The following ATP2A2 variants were observed in gnomAD, a reference collection of about 807,000 sequenced individuals.
ATP2A2 encodes sarcoplasmic/endoplasmic reticulum calcium ATPase 2.
Under a neutral mutation model 109.3 loss-of-function variants are expected in ATP2A2, and 14 were observed. That is an observed-to-expected ratio of 0.13 (90% CI 0.08 to 0.20). The LOEUF (loss-of-function observed/expected upper bound fraction) is 0.20. Ranked by LOEUF, ATP2A2 falls within the 10% of genes least tolerant of loss-of-function variation. The probability of loss-of-function intolerance (pLI) is 1.00; values close to 1 mark genes in which losing one functional copy is unlikely to be tolerated. For synonymous variants in ATP2A2, 506 were observed against 490.9 expected (o/e 1.03, Z -0.41); for missense variants, 657 against 1,321.6 (o/e 0.50, Z 7.80).
chr12:110,347,964 C>G lies in ATP2A2; in HGVS notation c.*1494C>G. On this transcript the variant is annotated 3_prime_UTR_variant, in exon 20 of 20. Transcript: ENST00000539276. ...TGGCGCCTGCCATGTGACTCGGGCG[C>G]AGCATCAGCTGGCTGGAGGTGTGGC... 10 of 988,844 alleles carry G rather than the reference C, an allele frequency of 1.0e-5. No individual in the cohort carries two copies. Among genetic ancestry groups the G allele is most frequent in the Non-Finnish European group, 1.2e-5 (10 of 832,146 alleles). 61.3% of individuals were successfully genotyped at this position (988,844 alleles called of 1,614,324 possible). A position where few individuals can be genotyped will look rare whatever the true frequency, so the allele number is the denominator to read the frequency against.
At chr12:110,332,364 A>G (rs914862658) in intron 8 of ATP2A2, 14 of 532,402 alleles carry the variant, frequency 2.6e-5, no homozygotes, top group Middle Eastern at 5.1e-4. Context: ...GCTGTTTTTC[A>G]TACTGTTCGA....
At chr12:110,285,410 C>T (rs1472553153) in intron 3 of ATP2A2, among the ~76,000 whole-genome samples, 1 of 152,170 alleles carries the variant, frequency 6.6e-6, no homozygotes, top group Non-Finnish European at 1.5e-5. Flanking sequence ...CTAAATGTAA[C>T]ACATCGTATG....
chr12:110,329,864 C>T (rs1878174539), intron 8 of ATP2A2: 1 of 152,204 alleles, frequency 6.6e-6, no homozygotes, highest in Non-Finnish European at 1.5e-5. Flanking sequence ...GCTTAAACAA[C>T]TTGGTACAAG....
intron 5 of ATP2A2, among the ~76,000 whole-genome samples, chr12:110,300,173 T>A (rs1428229269): frequency 8.5e-6 from 1 of 117,372 alleles, no homozygotes; most frequent in Non-Finnish European, 1.7e-5. Context: ...TTTCCTTCTT[T>A]CTCGCTCTCT....
chr12:110,339,187 A>G lies in ATP2A2; in HGVS notation c.1420-94A>G. The G allele has an allele frequency of 6.5e-7, 1 of 1,527,670 alleles. No homozygotes were observed. Among genetic ancestry groups the G allele is most frequent in the Non-Finnish European group, 9.0e-7 (1 of 1,107,670 alleles). 94.6% of individuals were successfully genotyped at this position (1,527,670 alleles called of 1,614,324 possible). On this transcript the variant is annotated intron_variant, in intron 11 of 19. Transcript: ENST00000539276. This position sits in a 1 kb window ranked among gnomAD's most constrained non-coding sequence, Gnocchi z 4.4. ...CTGTTTTGTTTATTGCTATATTCCTAGCATCTGTCATGTAATAGGTGTGCT... is the reference window on the plus strand; with the variant it reads ...CTGTTTTGTTTATTGCTATATTCCTGGCATCTGTCATGTAATAGGTGTGCT...
At position 110,339,813 on chromosome 12, in the gene ATP2A2, CT is replaced by C; in HGVS notation, c.1761+96del. 7.2e-7 allele frequency: 1 copy of C among 1,390,234 alleles called. No individual in the cohort carries two copies. Among genetic ancestry groups the C allele is most frequent in the Middle Eastern group, 1.9e-4 (1 of 5,316 alleles). 86.1% of individuals were successfully genotyped at this position (1,390,234 alleles called of 1,614,324 possible). A position where few individuals can be genotyped will look rare whatever the true frequency, so the allele number is the denominator to read the frequency against. ...CAAGCAAAAGGTCAAACAGTTCTCA[CT>C]TTTGCCAAGAAAGAGGTGTGGTTAT... On this transcript the variant is annotated intron_variant, in intron 13 of 19. Transcript: ENST00000539276. The surrounding 1 kb of genome is among the most constrained non-coding windows in gnomAD (Gnocchi z 4.4).
Position 110,350,695 on chromosome 12 carries a change from G to T in ATP2A2, c.*4225G>T, listed in dbSNP as rs1013507753. On this transcript the variant is annotated 3_prime_UTR_variant, in exon 20 of 20. Transcript: ENST00000539276. ...TCAATTGTAATGCATGCCTTCGGTT[G>T]TAAGTAGCCAGATCCCTCTCCAGTG... The T allele has an allele frequency of 1.9e-5, 5 of 265,874 alleles. No homozygotes were observed. Among genetic ancestry groups the T allele is most frequent in the South Asian group, 9.8e-5 (2 of 20,324 alleles). 16.5% of individuals were successfully genotyped at this position (265,874 alleles called of 1,614,324 possible).
chr12:110,334,586 C>CTTTTTT (rs67776124), intron 11 of ATP2A2, among the ~76,000 whole-genome samples: 3 of 114,534 alleles, frequency 2.6e-5, no homozygotes, highest in Non-Finnish European at 3.5e-5. Context: ...TCAATTAAAC[C>CTTTTTT]TTTTTTTTTT....
At chr12:110,338,317 A>G (rs914755591) in intron 11 of ATP2A2, among the ~76,000 whole-genome samples, 5 of 152,250 alleles carry the variant, frequency 3.3e-5, no homozygotes, top group Non-Finnish European at 7.3e-5. Context: ...TGTGACAGCC[A>G]CATGAACAGT....
At chr12:110,289,911 T>G (rs945716219) in intron 3 of ATP2A2, among the ~76,000 whole-genome samples, 4 of 152,252 alleles carry the variant, frequency 2.6e-5, no homozygotes, top group African/African-American at 9.6e-5. Flanking sequence ...TTACCACGTT[T>G]ATAGTTGTTG....
intron 5 of ATP2A2, among the ~76,000 whole-genome samples, chr12:110,307,702 GTGTT>G (rs1875524073): frequency 2.0e-5 from 3 of 152,258 alleles, no homozygotes; most frequent in African/African-American, 2.4e-5. Context: ...TTTTGTGTGT[GTGTT>G]TGTGTGTGGA....
Position 110,346,516 on chromosome 12 carries a change from T to C in ATP2A2, c.*46T>C. On this transcript the variant is annotated 3_prime_UTR_variant, in exon 20 of 20. Transcript: ENST00000539276. The stretch of plus-strand genomic sequence containing the variant: ...AGATGTTTAACTTAATCAATTAATT[T>C]TTTTATTGTTTAAAGCAACTGTCTA... 1 of 1,610,242 alleles carries C rather than the reference T, an allele frequency of 6.2e-7. No individual in the cohort carries two copies. The highest frequency in any genetic ancestry group is 8.5e-7 in the Non-Finnish European group (1 of 1,178,454).
Position 110,347,201 on chromosome 12 carries a change from G to T in ATP2A2, c.*731G>T, listed in dbSNP as rs903677999. 25 of 1,192,356 alleles carry T rather than the reference G, an allele frequency of 2.1e-5. No homozygotes were observed. In the South Asian group the frequency reaches 3.3e-4, roughly 16 times the overall value. The allele number at this position is 1,192,356 out of a possible 1,614,324, so 73.9% of individuals were successfully genotyped here. A position where few individuals can be genotyped will look rare whatever the true frequency, so the allele number is the denominator to read the frequency against. On this transcript the variant is annotated 3_prime_UTR_variant, in exon 20 of 20. Transcript: ENST00000539276. ...TATGTCCCTTCACATAGTTTTTAAG[G>T]TTATTTATTTAAATGTCTAATGTAT...
chr12:110,339,228 A>T lies in ATP2A2; in HGVS notation c.1420-53A>T. 6.2e-7 allele frequency: 1 copy of T among 1,610,394 alleles called. No individual in the cohort carries two copies. The highest frequency in any genetic ancestry group is 1.3e-5 in the African/African-American group (1 of 74,966). ...TAGGTGTGCTTACTGCTTGTTAGGTAAAAAAGTTCAGAAATTGCCACCCAG... is the reference window on the plus strand; with the variant it reads ...TAGGTGTGCTTACTGCTTGTTAGGTTAAAAAGTTCAGAAATTGCCACCCAG... On this transcript the variant is annotated intron_variant, in intron 11 of 19. Transcript: ENST00000539276. The surrounding 1 kb of genome is among the most constrained non-coding windows in gnomAD (Gnocchi z 4.4).
At chr12:110,283,802 T>C (rs1173597613) in intron 3 of ATP2A2, among the ~76,000 whole-genome samples, 1 of 152,206 alleles carries the variant, frequency 6.6e-6, no homozygotes, top group Non-Finnish European at 1.5e-5. Flanking sequence ...CTTGTACATA[T>C]ATGTATGCAG....
chr12:110,303,772 G>T (rs944945457), intron 5 of ATP2A2, among the ~76,000 whole-genome samples: 13 of 151,508 alleles, frequency 8.6e-5, no homozygotes, highest in Non-Finnish European at 1.9e-4. Context: ...TGTTGGCCCG[G>T]CAAGTCTTGA....
intron 5 of ATP2A2, among the ~76,000 whole-genome samples, chr12:110,304,483 A>C (rs1261640166): frequency 6.6e-6 from 1 of 152,186 alleles, no homozygotes; most frequent in East Asian, 1.9e-4. Flanking sequence ...AGTTTTACCC[A>C]GGAAGTGAGT....
intron 5 of ATP2A2, among the ~76,000 whole-genome samples, chr12:110,312,451 C>G (rs1397500163): frequency 1.3e-5 from 2 of 152,102 alleles, no homozygotes; most frequent in African/African-American, 4.8e-5. Context: ...TATGGACTTT[C>G]TTCCCCAAAA....
In ATP2A2 at chr12:110,296,883, T is replaced by C. The variant is rs1370989391; in HGVS notation, c.463+146T>C. The C allele has an allele frequency of 3.0e-6, 3 of 1,015,834 alleles. No homozygotes were observed. In the African/African-American group the frequency reaches 4.9e-5, roughly 17 times the overall value. 62.9% of individuals were successfully genotyped at this position (1,015,834 alleles called of 1,614,324 possible). A position where few individuals can be genotyped will look rare whatever the true frequency, so the allele number is the denominator to read the frequency against. ...TGCCATTCATACAAATCCTACATTC[T>C]CTAAAATTATTTTGAAATGTTTTAG... On this transcript the variant is annotated intron_variant, in intron 5 of 19. Transcript: ENST00000539276.
Sources: allele counts gnomAD v4.1 joint callset (sites outside exome capture counted in the v4.1 genomes callset), GRCh38; gene constraint gnomAD v4.1.1; non-coding constraint Gnocchi (gnomAD v3.1); transcripts MANE v1.5; gene names NCBI Gene and HGNC (gene_info 2026-07-23, HGNC 2026-07-21).